The following TRIO variants were observed in gnomAD, a reference collection of about 807,000 sequenced individuals.
TRIO encodes trio Rho guanine nucleotide exchange factor.
A neutral mutation model predicts 351.9 loss-of-function variants in TRIO; 58 were observed. The ratio of observed to expected loss-of-function variants is 0.16; its 90% confidence interval spans 0.13 to 0.21. The LOEUF is 0.21. Among genes scored for constraint, TRIO ranks in the 10% least tolerant of loss-of-function variants. The pLI is 1.00. For synonymous variants in TRIO, 1,758 were observed against 1,595.7 expected (o/e 1.10, Z -2.42); for missense variants, 3,201 against 4,027.8 (o/e 0.79, Z 5.56).
chr5:14,245,095 A>G (rs1561245315), intron 1 of TRIO, among the ~76,000 whole-genome samples: 2 of 152,366 alleles, frequency 1.3e-5, no homozygotes, highest in South Asian at 4.1e-4. Flanking sequence ...CAATGAAAAG[A>G]TAGCATTTGC....
rs186812147 is a variant in TRIO, at chr5:14,430,195, T to A, written c.5203+10174T>A. On this transcript the variant is annotated intron_variant, in intron 34 of 56. Coordinates refer to ENST00000344204, the MANE Select transcript of TRIO (RefSeq NM_007118.4). ...TAATGATATTTGCGTGCTTTTTTTT[T>A]TAATTTTTTTACCCAAATAGCAAAA... Among the ~76,000 whole-genome samples the A allele has an allele frequency of 6.3e-3, 913 of 144,008 alleles. 11 individuals carry two copies. The highest frequency in any genetic ancestry group is 0.023 in the African/African-American group (883 of 37,664). The allele number at this position is 144,008 out of a possible 152,430, so 94.5% of individuals were successfully genotyped here. A position where few individuals can be genotyped will look rare whatever the true frequency, so the allele number is the denominator to read the frequency against.
rs1307018857 is a variant in TRIO, at chr5:14,378,088, G to A, written c.3408G>A (p.Gln1136=). 1 of 1,613,442 alleles carries A rather than the reference G, an allele frequency of 6.2e-7. No homozygotes were observed. Among genetic ancestry groups the A allele is most frequent in the South Asian group, 1.1e-5 (1 of 90,706 alleles). Reference sequence around the variant, plus strand: ...CCATGAGGAAGAGACGGCTGGACCAGTGTCAGCAGTACGTGGTCTTTGAGA... The same window carrying A: ...CCATGAGGAAGAGACGGCTGGACCAATGTCAGCAGTACGTGGTCTTTGAGA... ...YWTMRKRRLD[Q]CQQYVVFERS... is the part of the protein sequence containing the mutation. The change falls in exon 20 of 57, where the codon CAG becomes CAA. Residue 1136 remains glutamine (Q), a synonymous_variant. Coordinates refer to ENST00000344204, the MANE Select transcript of TRIO (RefSeq NM_007118.4).
chr5:14,296,932 T>C (rs1737411489), intron 6 of TRIO, 140 bp from the exon 7 acceptor site: 1 of 574,194 alleles, frequency 1.7e-6, no homozygotes, highest in African/African-American at 1.8e-5. Context: ...TATAATATTA[T>C]ATATATCAGG....
At chr5:14,259,986 C>T (rs1252242862) in intron 1 of TRIO, among the ~76,000 whole-genome samples, 2 of 152,070 alleles carry the variant, frequency 1.3e-5, no homozygotes, top group Non-Finnish European at 2.9e-5. Flanking sequence ...GCTGTCAAAG[C>T]AAAGTAGATT....
rs1561202207 is a variant in TRIO at position 14,207,361 on chromosome 5, C to CACAGAG, written c.158-63463_158-63462insCAGAGA. 5.0e-4 allele frequency among the ~76,000 whole-genome samples: 5 copies of CACAGAG among 10,084 alleles called. 1 individual carries two copies. The highest frequency in any genetic ancestry group is 1.5e-3 in the African/African-American group (5 of 3,422). The allele number at this position is 10,084 out of a possible 152,430, so 6.6% of individuals were successfully genotyped here. On this transcript the variant is annotated intron_variant, in intron 1 of 56. Transcript: ENST00000344204. ...ACACACACACACACACACACACACA[C>CACAGAG]AGAGCCAGGTAGCATAGCAAGACTG...
At chr5:14,202,296 T>A (rs1178966202) in intron 1 of TRIO, among the ~76,000 whole-genome samples, 5 of 13,238 alleles carry the variant, frequency 3.8e-4, no homozygotes, top group South Asian at 3.2e-3. Flanking sequence ...TTTTTGTGAT[T>A]TTTTTTTTTT....
intron 46 of TRIO, among the ~76,000 whole-genome samples, chr5:14,483,892 A>G (rs1480611470): frequency 1.3e-5 from 2 of 152,066 alleles, no homozygotes; most frequent in Admixed American, 6.6e-5. Flanking sequence ...GACGGCAGCC[A>G]TCATCTGAAC....
intron 33 of TRIO, among the ~76,000 whole-genome samples, chr5:14,412,095 C>G (rs1275444149): frequency 6.6e-6 from 1 of 151,228 alleles, no homozygotes; most frequent in African/African-American, 2.4e-5. Flanking sequence ...TCAAGTGATT[C>G]TCCTGCCTCA....
intron 34 of TRIO, among the ~76,000 whole-genome samples, chr5:14,446,322 A>G (rs1425432264): frequency 6.6e-6 from 1 of 152,096 alleles, no homozygotes; most frequent in Non-Finnish European, 1.5e-5. Context: ...TGTGGGATAC[A>G]TGGAGAACTC....
At position 14,509,100 on chromosome 5, in the gene TRIO, G is replaced by A. The variant is rs1338800388; in HGVS notation, c.*678G>A. On this transcript the variant is annotated 3_prime_UTR_variant, in exon 57 of 57. Coordinates refer to ENST00000344204, the MANE Select transcript of TRIO (RefSeq NM_007118.4). ...CCCACCACCTGGGGCTTCCTCTGGG[G>A]GTCCGAGGGTCTTCCCATCACATGA... The A allele has an allele frequency of 1.1e-5, 2 of 189,574 alleles. No homozygotes were observed. The highest frequency in any genetic ancestry group is 1.7e-4 in the South Asian group (2 of 11,828). 11.7% of individuals were successfully genotyped at this position (189,574 alleles called of 1,614,324 possible).
chr5:14,313,251 CT>C (rs1739084916), intron 8 of TRIO, among the ~76,000 whole-genome samples: 1 of 152,178 alleles, frequency 6.6e-6, no homozygotes, highest in African/African-American at 2.4e-5. Context: ...TGGAGCTTTC[CT>C]TAATGAGTTG....
rs763339821 is a variant in TRIO, at chr5:14,147,157, G to GA, written c.157+3284dup. ...ACCAATTTCAATGCAAGAGCAAAAA[G>GA]AAAAAAAAAGACACCACAAAAATGA... On this transcript the variant is annotated intron_variant, in intron 1 of 56. Transcript: ENST00000344204. Among the ~76,000 whole-genome samples the GA allele has an allele frequency of 4.3e-4, 65 of 150,366 alleles. No individual in the cohort carries two copies. In the East Asian group the frequency reaches 6.0e-3, roughly 14 times the overall value.
At chr5:14,410,190 A>G (rs1325208917) in intron 33 of TRIO, among the ~76,000 whole-genome samples, 3 of 152,196 alleles carry the variant, frequency 2.0e-5, no homozygotes. Context: ...GAGACTTGCC[A>G]ATAAGTCAGA....
At chr5:14,447,992 C>A (rs1004664897) in intron 34 of TRIO, among the ~76,000 whole-genome samples, 1 of 152,160 alleles carries the variant, frequency 6.6e-6, no homozygotes, top group Admixed American at 6.5e-5. Flanking sequence ...TACTTTATTG[C>A]CTTGGGAATA....
At chr5:14,226,901 C>CAGTTCTCCTCCTCCCTGGTTTT (rs1554037067) in intron 1 of TRIO, among the ~76,000 whole-genome samples, 1 of 151,556 alleles carries the variant, frequency 6.6e-6, no homozygotes, top group African/African-American at 2.4e-5. Context: ...TCCCTGGTTT[C>CAGTTCTCCTCCTCCCTGGTTTT]TGCAGCTCTC....
intron 1 of TRIO, among the ~76,000 whole-genome samples, chr5:14,196,422 CAA>C (rs71597902): frequency 2.0e-4 from 20 of 101,670 alleles, no homozygotes; most frequent in Admixed American, 5.9e-4. Flanking sequence ...GACTCCGTCT[CAA>C]AAAAAAAAAA....
Position 14,171,759 on chromosome 5 carries a change from AAG to A in TRIO, c.157+27881_157+27882del, listed in dbSNP as rs565079893. On this transcript the variant is annotated intron_variant, in intron 1 of 56. Transcript: ENST00000344204. ...CTGGTTATAAAATTAAAAAGCAAGA[AAG>A]AGACGGCAGGAAGGAGCGGGGTGGG... Among the ~76,000 whole-genome samples the A allele has an allele frequency of 1.9e-3, 295 of 152,288 alleles. 1 individual carries two copies. Among genetic ancestry groups the A allele is most frequent in the African/African-American group, 6.8e-3 (281 of 41,552 alleles).
At chr5:14,470,109 A>T (rs1754574537) in intron 37 of TRIO, among the ~76,000 whole-genome samples, 1 of 152,198 alleles carries the variant, frequency 6.6e-6, no homozygotes, top group Admixed American at 6.5e-5. Context: ...TATTTTTCAG[A>T]TCAAACTCTG....
At chr5:14,472,943 A>G (rs1754792433) in intron 39 of TRIO, among the ~76,000 whole-genome samples, 1 of 152,114 alleles carries the variant, frequency 6.6e-6, no homozygotes, top group Non-Finnish European at 1.5e-5. Context: ...TTATTAAATG[A>G]TACTAAGTAA....
Sources: allele counts gnomAD v4.1 joint callset (sites outside exome capture counted in the v4.1 genomes callset), GRCh38; gene constraint gnomAD v4.1.1; transcripts MANE v1.5; gene names NCBI Gene and HGNC (gene_info 2026-07-23, HGNC 2026-07-21).